The following GRAMD1B variants were observed in gnomAD, a reference collection of about 807,000 sequenced individuals.
GRAMD1B encodes protein Aster-B.
Under a neutral mutation model 99.7 loss-of-function variants are expected in GRAMD1B, and 37 were observed. The ratio of observed to expected loss-of-function variants is 0.37; its 90% CI spans 0.29 to 0.49. The LOEUF (loss-of-function observed/expected upper bound fraction) is 0.49, where lower values mean the gene tolerates loss of function less well. Among genes scored for constraint, GRAMD1B ranks in the 20% least tolerant of loss-of-function variants. GRAMD1B has a pLI of 0.98. For synonymous variants in GRAMD1B, 427 were observed against 387.6 expected (o/e 1.10, Z -1.19); for missense variants, 888 against 1,009.2 (o/e 0.88, Z 1.63).
chr11:123,621,376 A>G (rs986065418), intron 19 of GRAMD1B, among the ~76,000 whole-genome samples: 7 of 152,222 alleles, frequency 4.6e-5, no homozygotes, highest in Admixed American at 1.3e-4. Flanking sequence ...ACTGCAGTCT[A>G]TGACCTAAAA....
Position 123,492,857 on chromosome 11 carries a change from T to TTC in GRAMD1B, c.452+11965_452+11966dup, listed in dbSNP as rs1938720239. On this transcript the variant is annotated intron_variant, in intron 2 of 19. Coordinates refer to ENST00000635736, the MANE Select transcript of GRAMD1B (RefSeq NM_001387025.1). This position sits in a 1 kb window ranked among gnomAD's most constrained non-coding sequence, Gnocchi z 4.2. ...CCTCTCTCTCTCTCTGTCTCTCTCT[T>TTC]TCACACATACACACACACACACACA... Among the ~76,000 whole-genome samples, 1 of 69,092 alleles carries TTC rather than the reference T, an allele frequency of 1.4e-5. No homozygotes were observed. Among genetic ancestry groups the TTC allele is most frequent in the Non-Finnish European group, 2.5e-5 (1 of 39,422 alleles). 45.3% of individuals were successfully genotyped at this position (69,092 alleles called of 152,430 possible). A position where few individuals can be genotyped will look rare whatever the true frequency, so the allele number is the denominator to read the frequency against.
chr11:123,473,829 A>G (rs1438408223), intron 1 of GRAMD1B, among the ~76,000 whole-genome samples: 1 of 152,120 alleles, frequency 6.6e-6, no homozygotes, highest in African/African-American at 2.4e-5. Flanking sequence ...CCCCAGTCAC[A>G]TTTGTTTACT....
In GRAMD1B at chr11:123,374,423, C is replaced by T. The variant is rs373433251; in HGVS notation, c.-176+15624C>T. Among the ~76,000 whole-genome samples the T allele has an allele frequency of 8.5e-5, 13 of 152,282 alleles. No individual in the cohort carries two copies. The East Asian group carries it at 2.3e-3, about 27-fold the overall frequency. ...AACCACAGTCCAGAGTTTCAAGGAG[C>T]CATCTCTCAAACATGGGTATCATTA... On this transcript the variant is annotated intron_variant, in intron 1 of 20. Coordinates refer to the GRAMD1B transcript ENST00000638157.
At chr11:123,391,709 G>GC (rs1330496866) in intron 1 of GRAMD1B, among the ~76,000 whole-genome samples, 1 of 152,104 alleles carries the variant, frequency 6.6e-6, no homozygotes, top group African/African-American at 2.4e-5. Flanking sequence ...GCCCACCTTG[G>GC]CCCCCCAAAG....
chr11:123,377,626 G>A (rs1458184085), intron 1 of GRAMD1B, among the ~76,000 whole-genome samples: 4 of 152,146 alleles, frequency 2.6e-5, no homozygotes, highest in African/African-American at 9.7e-5. Context: ...TTTATCTGTT[G>A]CTTGCTTTTA....
At chr11:123,423,080 G>C (rs749385842) in intron 1 of GRAMD1B, among the ~76,000 whole-genome samples, 4 of 152,080 alleles carry the variant, frequency 2.6e-5, no homozygotes, top group African/African-American at 9.7e-5. Flanking sequence ...GGTATGCTTA[G>C]AGTCTGGGAA....
chr11:123,431,003 G>A lies in GRAMD1B; in HGVS notation c.211G>A (p.Gly71Ser), dbSNP rs1333282089. The A allele has an allele frequency of 5.7e-6, 4 of 702,806 alleles. No homozygotes were observed. The highest frequency in any genetic ancestry group is 3.5e-5 in the African/African-American group (2 of 57,272). 43.5% of individuals were successfully genotyped at this position (702,806 alleles called of 1,614,324 possible). ...GGACCTGCCCGCCGTCTTGGCCCCCGGCAAGGAGTTCCTGCAGCTGCCGTC... is the reference window on the plus strand; with the variant it reads ...GGACCTGCCCGCCGTCTTGGCCCCCAGCAAGGAGTTCCTGCAGCTGCCGTC... Reference protein sequence around the residue: ...ARDLPAVLAPGKEFLQLPSIE... With the variant: ...ARDLPAVLAPSKEFLQLPSIE... Residue 71 changes from glycine to serine, a missense_variant, in exon 1 of 20, where the codon GGC (glycine) becomes AGC (serine). This residue lies in a region of GRAMD1B where 233 missense variants were observed against 154.6 expected (regional missense o/e 1.51). Coordinates refer to ENST00000635736, the MANE Select transcript of GRAMD1B (RefSeq NM_001387025.1).
At chr11:123,576,312 G>A (rs544053665) in intron 2 of GRAMD1B, among the ~76,000 whole-genome samples, 19 of 152,224 alleles carry the variant, frequency 1.2e-4, no homozygotes, top group South Asian at 4.1e-4. Context: ...AGAGGCTGCT[G>A]AGCAGGTGGG....
chr11:123,457,282 GA>G (rs1464891726), intron 1 of GRAMD1B, among the ~76,000 whole-genome samples: 4 of 152,082 alleles, frequency 2.6e-5, no homozygotes, highest in Admixed American at 2.6e-4. Flanking sequence ...GAGCATACAG[GA>G]AGTGAACCAG....
intron 1 of GRAMD1B, among the ~76,000 whole-genome samples, chr11:123,367,444 T>C (rs1946356583): frequency 6.6e-6 from 1 of 152,120 alleles, no homozygotes; most frequent in Admixed American, 6.5e-5. Flanking sequence ...GAGGTTATAT[T>C]TGAGCTGGGT....
intron 4 of GRAMD1B, among the ~76,000 whole-genome samples, chr11:123,588,817 T>G (rs983103827): frequency 6.6e-6 from 1 of 152,128 alleles, no homozygotes; most frequent in Non-Finnish European, 1.5e-5. Flanking sequence ...GGTAAATACT[T>G]TCTTAGCACC....
chr11:123,389,358 T>C (rs914392195), intron 1 of GRAMD1B, among the ~76,000 whole-genome samples: 4 of 149,758 alleles, frequency 2.7e-5, no homozygotes, highest in Non-Finnish European at 5.9e-5. Flanking sequence ...CACTCCAGCC[T>C]AGGTGACAGA....
chr11:123,412,278 C>T (rs973585600), intron 1 of GRAMD1B, among the ~76,000 whole-genome samples: 8 of 152,166 alleles, frequency 5.3e-5, no homozygotes, highest in Non-Finnish European at 8.8e-5. Context: ...TAAACATTTT[C>T]TCTTGCAGAA....
intron 2 of GRAMD1B, among the ~76,000 whole-genome samples, chr11:123,567,683 G>A (rs1325316739): frequency 2.6e-5 from 4 of 152,140 alleles, no homozygotes. Context: ...TCCAAACTCT[G>A]GACTGAACAG....
At chr11:123,414,722 G>C (rs1377676526) in intron 1 of GRAMD1B, among the ~76,000 whole-genome samples, 1 of 152,106 alleles carries the variant, frequency 6.6e-6, no homozygotes, top group African/African-American at 2.4e-5. Context: ...GAAAGATTTT[G>C]CTGTGTTTTG....
intron 1 of GRAMD1B, among the ~76,000 whole-genome samples, chr11:123,419,710 T>A (rs1223925797): frequency 6.8e-5 from 6 of 87,682 alleles, no homozygotes; most frequent in African/African-American, 3.9e-4. Context: ...TGTGTGTGTG[T>A]GTGTGTGTGT....
At chr11:123,603,676 C>A in intron 9 of GRAMD1B, 135 bp downstream of exon 9, 2 of 676,202 alleles carry the variant, frequency 3.0e-6, no homozygotes, top group Non-Finnish European at 5.3e-6. Context: ...GGAAAGTGGT[C>A]ACAGGTGAGG....
intron 1 of GRAMD1B, among the ~76,000 whole-genome samples, chr11:123,477,359 G>C (rs1020827761): frequency 6.9e-6 from 1 of 144,194 alleles, no homozygotes; most frequent in Non-Finnish European, 1.5e-5. Flanking sequence ...GTACTTGAGA[G>C]TGGTAAATGG....
At chr11:123,521,950 T>C (rs1942229919) in intron 2 of GRAMD1B, among the ~76,000 whole-genome samples, 1 of 152,148 alleles carries the variant, frequency 6.6e-6, no homozygotes, top group Admixed American at 6.6e-5. Flanking sequence ...CATCAAGCAC[T>C]TTAAAATAAT....
Sources: gnomAD v4.1 joint callset for allele counts (sites outside exome capture counted in the v4.1 genomes callset) on GRCh38, gnomAD v4.1.1 for gene constraint, gnomAD v4.1.1 regional missense constraint, Gnocchi (gnomAD v3.1) non-coding constraint, MANE v1.5 for transcripts, NCBI Gene and HGNC (gene_info 2026-07-23, HGNC 2026-07-21) for gene names.